Variants in PLEKHH2 observed in about 807,000 individuals in gnomAD.
The protein encoded by PLEKHH2 is pleckstrin homology, MyTH4 and FERM domain containing H2, also known as pleckstrin homology domain-containing family H member 2.
Under a neutral mutation model 187.9 loss-of-function variants are expected in PLEKHH2, and 129 were observed. That is an observed-to-expected ratio of 0.69 (90% CI 0.59 to 0.79). The LOEUF (loss-of-function observed/expected upper bound fraction) is 0.79. Ranked by LOEUF, PLEKHH2 falls within the 30% of genes least tolerant of loss-of-function variation. The pLI, the probability that PLEKHH2 is intolerant of heterozygous loss-of-function variation, is 0.00. For missense variants in PLEKHH2, 2,076 were observed against 1,751.2 expected (o/e 1.19, Z -3.31); for synonymous variants, 686 against 605.6 (o/e 1.13, Z -1.95).
chr2:43,705,281 C>T (rs1166534957), intron 9 of PLEKHH2, among the ~76,000 whole-genome samples: 1 of 80,034 alleles, frequency 1.2e-5, no homozygotes, highest in South Asian at 4.1e-4. Context: ...TTTGAGGCAG[C>T]GTCTTACTCT....
At chr2:43,738,201 CT>C (rs1671387526) in intron 19 of PLEKHH2, 139 bp from the exon 20 acceptor site, 1 of 645,646 alleles carries the variant, frequency 1.5e-6, no homozygotes, top group Non-Finnish European at 2.4e-6. Flanking sequence ...TTCCAGATTT[CT>C]TTTGATTAGT....
chr2:43,741,061 C>A lies in PLEKHH2; in HGVS notation c.3221+18C>A. The A allele has an allele frequency of 1.3e-6, 2 of 1,586,198 alleles. No individual in the cohort carries two copies. Among genetic ancestry groups the A allele is most frequent in the Non-Finnish European group, 1.7e-6 (2 of 1,155,784 alleles). ...GATTCCAGGTGTGCAGAATACTAGCCAGCTGAACTGTTTATGTGGCCTCTG... is the reference window on the plus strand; with the variant it reads ...GATTCCAGGTGTGCAGAATACTAGCAAGCTGAACTGTTTATGTGGCCTCTG... On this transcript the variant is annotated intron_variant, in intron 21 of 29. Coordinates refer to ENST00000282406, the MANE Select transcript of PLEKHH2 (RefSeq NM_172069.4).
intron 2 of PLEKHH2, among the ~76,000 whole-genome samples, chr2:43,668,195 G>A (rs754211199): frequency 3.9e-5 from 6 of 152,056 alleles, no homozygotes; most frequent in Non-Finnish European, 8.8e-5. Flanking sequence ...ACCACTCCTG[G>A]CTAATTTTTG....
At chr2:43,643,194 AT>A (rs1196701995) in intron 1 of PLEKHH2, among the ~76,000 whole-genome samples, 2 of 152,142 alleles carry the variant, frequency 1.3e-5, no homozygotes, top group Non-Finnish European at 2.9e-5. Flanking sequence ...GGAAAAGGTT[AT>A]TAACAAGGTT....
intron 16 of PLEKHH2, among the ~76,000 whole-genome samples, chr2:43,721,364 A>T (rs1229608352): frequency 6.6e-6 from 1 of 152,170 alleles, no homozygotes; most frequent in Non-Finnish European, 1.5e-5. Context: ...ATGGGCCACG[A>T]GTACTTGTAT....
At chr2:43,681,052 C>T in intron 3 of PLEKHH2, 1 of 1,287,814 alleles carries the variant, frequency 7.8e-7, no homozygotes, top group Non-Finnish European at 1.1e-6. Context: ...CTTCCTGTAC[C>T]ATTATGATTC....
chr2:43,700,272 C>G lies in PLEKHH2; in HGVS notation c.1314C>G (p.Pro438=). The G allele has an allele frequency of 6.2e-7, 1 of 1,614,074 alleles. No homozygotes were observed. Among genetic ancestry groups the G allele is most frequent in the South Asian group, 1.1e-5 (1 of 91,066 alleles). ...TQLVPSSHLP[P]PKLRIPNVFS... ...TAGTGCCTTCATCACACCTGCCACC[C>G]CCAAAGTTAAGGATTCCTAATGTTT... The change falls in exon 8 of 30, where the codon CCC becomes CCG. Residue 438 remains proline (P), a synonymous_variant. Coordinates refer to ENST00000282406, the MANE Select transcript of PLEKHH2 (RefSeq NM_172069.4).
chr2:43,693,581 G>C (rs533302211), intron 4 of PLEKHH2, among the ~76,000 whole-genome samples: 2 of 151,844 alleles, frequency 1.3e-5, no homozygotes, highest in South Asian at 2.1e-4. Flanking sequence ...AAAATTAGCC[G>C]GGCGTGGTGG....
intron 4 of PLEKHH2, 136 bp from the exon 5 acceptor site, chr2:43,694,295 C>A: frequency 1.9e-6 from 2 of 1,026,304 alleles, no homozygotes; most frequent in East Asian, 3.4e-5. Context: ...TTTTAAAAAC[C>A]TATTTGGTAA....
At chr2:43,650,966 G>C (rs10197821) in intron 2 of PLEKHH2, among the ~76,000 whole-genome samples, 93,146 of 151,650 alleles carry the variant, frequency 0.61, 29,455 homozygotes, top group African/African-American at 0.75. Flanking sequence ...TCCTACTACT[G>C]TTATATTTAA....
At chr2:43,638,625 A>C (rs1703230786) in intron 1 of PLEKHH2, among the ~76,000 whole-genome samples, 1 of 152,220 alleles carries the variant, frequency 6.6e-6, no homozygotes, top group Non-Finnish European at 1.5e-5. Context: ...GATTCCTTTC[A>C]AATTCAGAAT....
rs70965318 is a variant in PLEKHH2, at chr2:43,704,662, T to TAAAAAAAAAAAAAAA, written c.1726+616_1726+630dup. Among the ~76,000 whole-genome samples the TAAAAAAAAAAAAAAA allele has an allele frequency of 1.0e-3, 85 of 84,266 alleles. 1 individual carries two copies. The highest frequency in any genetic ancestry group is 3.5e-3 in the African/African-American group (77 of 21,804). 55.3% of individuals were successfully genotyped at this position (84,266 alleles called of 152,430 possible). A position where few individuals can be genotyped will look rare whatever the true frequency, so the allele number is the denominator to read the frequency against. On this transcript the variant is annotated intron_variant, in intron 9 of 29. Transcript: ENST00000282406. ...TGGGTGACAGAGCAAGATTCTGTCT[T>TAAAAAAAAAAAAAAA]AAAAAAAAAAAAAAAAAAAAAAAAG...
At chr2:43,684,784 A>G (rs561163131) in intron 3 of PLEKHH2, among the ~76,000 whole-genome samples, 12 of 148,742 alleles carry the variant, frequency 8.1e-5, no homozygotes, top group African/African-American at 2.8e-4. Context: ...ATACACCAGG[A>G]TTGGTTATTT....
Position 43,726,455 on chromosome 2 carries a change from T to C in PLEKHH2, c.2721+4T>C, listed in dbSNP as rs1356946848. ...AATTGGATCCAAGCATGAAAAGGTA[T>C]TCAAAGACTTATTGGTTGATTTAGA... is the stretch of plus-strand genomic sequence containing the variant. On this transcript the variant is annotated splice_donor_region_variant and intron_variant, in intron 17 of 29. Transcript: ENST00000282406. The C allele has an allele frequency of 1.3e-6, 2 of 1,591,288 alleles. No homozygotes were observed. The highest frequency in any genetic ancestry group is 2.2e-5 in the East Asian group (1 of 44,690).
At position 43,707,452 on chromosome 2, in the gene PLEKHH2, G is replaced by A. The variant is rs141818164; in HGVS notation, c.1873G>A (p.Glu625Lys). Residue 625 changes from glutamate to lysine, a missense_variant, in exon 11 of 30, where the codon GAG (glutamate) becomes AAG (lysine). Glu to Lys is a moderately conservative substitution (Grantham distance 56, BLOSUM62 1). Transcript: ENST00000282406. ...TTTCCTGGATGACTCATCTGGGTCAGAGGAAGAAGACAGCTCCAGATCCAG... is the reference window on the plus strand; with the variant it reads ...TTTCCTGGATGACTCATCTGGGTCAAAGGAAGAAGACAGCTCCAGATCCAG... ...SPFLDDSSGS[E>K]EEDSSRSSSR... The A allele has an allele frequency of 4.4e-4, 703 of 1,614,168 alleles. 1 individual carries two copies. Among genetic ancestry groups the A allele is most frequent in the Non-Finnish European group, 5.3e-4 (622 of 1,180,024 alleles).
intron 1 of PLEKHH2, 111 bp downstream of exon 1, chr2:43,637,490 G>A (rs1202544471): frequency 2.0e-5 from 3 of 152,570 alleles, no homozygotes; most frequent in Non-Finnish European, 2.9e-5. Flanking sequence ...GGTTTGGGGC[G>A]CCGGGAGGAG....
intron 3 of PLEKHH2, chr2:43,692,266 T>G: frequency 3.5e-6 from 1 of 285,464 alleles, no homozygotes; most frequent in Non-Finnish European, 6.5e-6. Flanking sequence ...CTAGGAAACA[T>G]GTACATTACT....
chr2:43,712,344 G>A lies in PLEKHH2; in HGVS notation c.2421G>A (p.Gln807=), dbSNP rs1287396521. 4 of 1,614,170 alleles carry A rather than the reference G, an allele frequency of 2.5e-6. No homozygotes were observed. Among genetic ancestry groups the A allele is most frequent in the South Asian group, 2.2e-5 (2 of 91,058 alleles). The part of the protein sequence containing the change: ...RVQAANPLSL[Q]PEGKPTMKGL... Reference sequence around the variant, plus strand: ...AAGCTGCCAACCCACTTTCCCTGCAGCCTGAGGGCAAACCCACCATGAAGG... The same window carrying A: ...AAGCTGCCAACCCACTTTCCCTGCAACCTGAGGGCAAACCCACCATGAAGG... Residue 807 remains glutamine, a synonymous_variant, in exon 15 of 30, where the codon CAG becomes CAA. Coordinates refer to ENST00000282406, the MANE Select transcript of PLEKHH2 (RefSeq NM_172069.4).
chr2:43,679,913 G>A (rs1221851768), intron 3 of PLEKHH2, among the ~76,000 whole-genome samples: 1 of 152,108 alleles, frequency 6.6e-6, no homozygotes, highest in Non-Finnish European at 1.5e-5. Context: ...TTCAAGTGAT[G>A]CTCAGTGTCC....
Sources: gnomAD v4.1 joint callset for allele counts (sites outside exome capture counted in the v4.1 genomes callset) on GRCh38, gnomAD v4.1.1 for gene constraint, MANE v1.5 for transcripts, NCBI Gene and HGNC (gene_info 2026-07-23, HGNC 2026-07-21) for gene names.